The following CDC45 variants were observed in gnomAD, a reference collection of about 807,000 sequenced individuals.
CDC45 encodes cell division control protein 45 homolog.
CDC45 carries 54 observed loss-of-function variants against 77.8 expected under a neutral mutation model. The ratio of observed to expected loss-of-function variants is 0.69; its 90% CI spans 0.56 to 0.87. The LOEUF is 0.87. CDC45 is among the 40% of genes least tolerant of loss of function. The pLI is 0.00. For synonymous variants in CDC45, 260 were observed against 272.1 expected, an observed-to-expected ratio of 0.96 and a Z score of 0.44; for missense variants, 649 against 721.6, an observed-to-expected ratio of 0.90 and a Z score of 1.15.
upstream of CDC45, chr22:19,479,731 C>T (rs2089940946): frequency 4.5e-6 from 3 of 665,058 alleles, no homozygotes; most frequent in African/African-American, 3.6e-5. Context: ...TGTTTGCGTT[C>T]GGCCTCAGAG....
intron 5 of CDC45, among the ~76,000 whole-genome samples, chr22:19,486,524 T>C (rs2090070252): frequency 6.6e-6 from 1 of 152,216 alleles, no homozygotes; most frequent in African/African-American, 2.4e-5. Flanking sequence ...TGTTTCTTCA[T>C]GGAGTACTTT....
intron 7 of CDC45, among the ~76,000 whole-genome samples, chr22:19,496,326 A>C (rs1451818931): frequency 6.6e-6 from 1 of 152,254 alleles, no homozygotes; most frequent in Non-Finnish European, 1.5e-5. Context: ...ACACAGAATG[A>C]GTTTGTACCA....
chr22:19,517,217 G>C (rs897239899), intron 17 of CDC45, among the ~76,000 whole-genome samples: 1 of 152,216 alleles, frequency 6.6e-6, no homozygotes, highest in Non-Finnish European at 1.5e-5. Context: ...GATCTCACCT[G>C]TCAGGGTTGG....
intron 13 of CDC45, 56 bp from the exon 14 acceptor site, chr22:19,514,692 AT>A (rs934388276): frequency 2.6e-5 from 38 of 1,461,408 alleles, no homozygotes; most frequent in Non-Finnish European, 3.4e-5. Context: ...TGACTTTGGT[AT>A]TTTACCAAGA....
At chr22:19,513,790 C>G (rs964998820) in intron 13 of CDC45, among the ~76,000 whole-genome samples, 6 of 152,200 alleles carry the variant, frequency 3.9e-5, no homozygotes, top group Non-Finnish European at 7.3e-5. Flanking sequence ...TATTTCTTTA[C>G]TATTCCCCCC....
chr22:19,496,735 A>T (rs530318109), intron 7 of CDC45, among the ~76,000 whole-genome samples: 2 of 152,282 alleles, frequency 1.3e-5, no homozygotes, highest in African/African-American at 4.8e-5. Context: ...CTCTCCCTGG[A>T]GGAAGCCCGC....
chr22:19,495,454 C>T (rs976418260), intron 6 of CDC45, among the ~76,000 whole-genome samples: 1 of 152,224 alleles, frequency 6.6e-6, no homozygotes, highest in African/African-American at 2.4e-5. Context: ...AACTATACCA[C>T]TTTACATCAT....
chr22:19,491,930 A>T (rs1283136651), intron 5 of CDC45, among the ~76,000 whole-genome samples: 1 of 151,404 alleles, frequency 6.6e-6, no homozygotes, highest in African/African-American at 2.4e-5. Context: ...CAGCCTCCTG[A>T]GTAGTTGGGA....
At position 19,489,814 on chromosome 22, in the gene CDC45, G is replaced by A. The variant is rs532805586; in HGVS notation, c.487-4513G>A. On this transcript the variant is annotated intron_variant, in intron 5 of 18. Transcript: ENST00000263201. ...TTACATACTGAGAGTTGGTGGTGGTGTTGAGTTCTGTTTGCTTGCTGCTTT... is the reference window on the plus strand; with the variant it reads ...TTACATACTGAGAGTTGGTGGTGGTATTGAGTTCTGTTTGCTTGCTGCTTT... 2.6e-5 allele frequency among the ~76,000 whole-genome samples: 4 copies of A among 152,334 alleles called. No individual in the cohort carries two copies. The South Asian group carries it at 6.2e-4, about 24-fold the overall frequency.
At chr22:19,515,715 A>T (rs1933749559) in intron 15 of CDC45, among the ~76,000 whole-genome samples, 1 of 152,248 alleles carries the variant, frequency 6.6e-6, no homozygotes, top group Non-Finnish European at 1.5e-5. Flanking sequence ...GGGACAGAGC[A>T]TGGGCCTTGA....
At chr22:19,502,005 C>T (rs1932918625) in intron 9 of CDC45, among the ~76,000 whole-genome samples, 1 of 152,172 alleles carries the variant, frequency 6.6e-6, no homozygotes, top group African/African-American at 2.4e-5. Context: ...ATGTGAGTTG[C>T]CACACCTGGC....
rs1317280835 is a variant in CDC45 at position 19,489,499 on chromosome 22, G to T, written c.487-4828G>T. Among the ~76,000 whole-genome samples the T allele has an allele frequency of 3.3e-5, 5 of 152,220 alleles. 1 individual carries two copies. The highest frequency in any genetic ancestry group is 1.3e-4 in the Admixed American group (2 of 15,278). On this transcript the variant is annotated intron_variant, in intron 5 of 18. Coordinates refer to ENST00000263201, the MANE Select transcript of CDC45 (RefSeq NM_003504.5). ...TGGAAATGGAATTATACAGTATGTAGCCTTTTGGGATTGGCTTTTTTTCGC... is the reference window on the plus strand; with the variant it reads ...TGGAAATGGAATTATACAGTATGTATCCTTTTGGGATTGGCTTTTTTTCGC...
rs753657397 is a variant in CDC45, at chr22:19,479,925, C to T, written c.-44C>T. 18 of 1,610,314 alleles carry T rather than the reference C, an allele frequency of 1.1e-5. No individual in the cohort carries two copies. The highest frequency in any genetic ancestry group is 6.7e-5 in the East Asian group (3 of 44,874). Reference sequence around the variant, plus strand: ...CGGGAGTCTTGACCGCCGCCGGGCTCTTGGTACCTCAGCGCGAGCGCCAGG... The same window carrying T: ...CGGGAGTCTTGACCGCCGCCGGGCTTTTGGTACCTCAGCGCGAGCGCCAGG... On this transcript the variant is annotated 5_prime_UTR_variant, in exon 1 of 19. Coordinates refer to ENST00000263201, the MANE Select transcript of CDC45 (RefSeq NM_003504.5).
At chr22:19,495,384 T>C (rs2090224047) in intron 6 of CDC45, among the ~76,000 whole-genome samples, 1 of 152,258 alleles carries the variant, frequency 6.6e-6, no homozygotes, top group South Asian at 2.1e-4. Context: ...ACAGCAAGTT[T>C]TGTCTTGCTT....
intron 15 of CDC45, 63 bp from the exon 16 acceptor site, chr22:19,516,463 TG>T: frequency 7.4e-7 from 1 of 1,355,418 alleles, no homozygotes; most frequent in Non-Finnish European, 1.1e-6. Context: ...TGTTGGGCTC[TG>T]GGCTCTGAGT....
At chr22:19,506,661 G>C (rs572002204) in intron 10 of CDC45, among the ~76,000 whole-genome samples, 73 of 152,200 alleles carry the variant, frequency 4.8e-4, no homozygotes, top group African/African-American at 1.7e-3. Flanking sequence ...GAGGTCGGGC[G>C]CTGTGGCTCA....
At chr22:19,486,718 T>C (rs1431975148) in intron 5 of CDC45, among the ~76,000 whole-genome samples, 1 of 152,208 alleles carries the variant, frequency 6.6e-6, no homozygotes, top group Non-Finnish European at 1.5e-5. Context: ...AGTCTCGCTC[T>C]GTCGCCCAGG....
At chr22:19,499,889 C>T (rs1361637060) in intron 9 of CDC45, among the ~76,000 whole-genome samples, 2 of 152,202 alleles carry the variant, frequency 1.3e-5, no homozygotes, top group African/African-American at 2.4e-5. Flanking sequence ...CAGCCCTAGG[C>T]GCAGCCTCCA....
chr22:19,493,239 G>T (rs5992408), intron 5 of CDC45, among the ~76,000 whole-genome samples: 3,412 of 146,870 alleles, frequency 0.023, 155 homozygotes, highest in African/African-American at 0.076. Flanking sequence ...TTTTTTTTTT[G>T]TTGTTTTGTT....
Sources: allele counts gnomAD v4.1 joint callset (sites outside exome capture counted in the v4.1 genomes callset), GRCh38; gene constraint gnomAD v4.1.1; transcripts MANE v1.5; gene names NCBI Gene and HGNC (gene_info 2026-07-23, HGNC 2026-07-21).